Variants in TTC3 observed in about 807,000 individuals in gnomAD.
The protein encoded by TTC3 is tetratricopeptide repeat domain 3.
In TTC3, 180 loss-of-function variants were observed where a neutral mutation model predicts 249.6. The ratio of observed to expected loss-of-function variants is 0.72; its 90% confidence interval spans 0.64 to 0.82. TTC3 has a LOEUF of 0.82. TTC3 is among the 40% of genes least tolerant of loss of function. TTC3 has a pLI of 0.00. For missense variants in TTC3, 2,061 were observed against 2,398.4 expected, an observed-to-expected ratio of 0.86 and a Z score of 2.94; for synonymous variants, 717 against 805.0, an observed-to-expected ratio of 0.89 and a Z score of 1.85.
At position 37,087,228 on chromosome 21, in the gene TTC3, G is replaced by A. The variant is rs777127969; in HGVS notation, c.-11-19G>A. 12 of 1,609,072 alleles carry A rather than the reference G, an allele frequency of 7.5e-6. No individual in the cohort carries two copies. Among genetic ancestry groups the A allele is most frequent in the Non-Finnish European group, 1.0e-5 (12 of 1,178,394 alleles). Reference sequence around the variant, plus strand: ...TCAAATGATTTAATTACTGACTTGAGTTTGTGTTGTCTCCTTAGACTTGTG... The same window carrying A: ...TCAAATGATTTAATTACTGACTTGAATTTGTGTTGTCTCCTTAGACTTGTG... On this transcript the variant is annotated intron_variant, in intron 1 of 45. Transcript: ENST00000355666.
At chr21:37,151,960 A>C in exon 26 of TTC3, 1 of 1,607,562 alleles carries the variant, frequency 6.2e-7, no homozygotes, top group Non-Finnish European at 8.5e-7. Flanking sequence ...AGAAGCAAAA[A>C]AGTTAGCACA....
At chr21:37,167,333 G>A in intron 33 of TTC3, among the ~76,000 whole-genome samples, 1 of 151,918 alleles carries the variant, frequency 6.6e-6, no homozygotes, top group East Asian at 1.9e-4. Context: ...AGGAAGCTTT[G>A]AAAAAAATAG....
At chr21:37,118,144 G>T (rs563443623) in intron 11 of TTC3, among the ~76,000 whole-genome samples, 154 of 151,818 alleles carry the variant, frequency 1.0e-3, no homozygotes, top group African/African-American at 3.2e-3. Context: ...AACCAGAAAA[G>T]AATGCTTATT....
chr21:37,179,262 G>T (rs573096360), intron 35 of TTC3, among the ~76,000 whole-genome samples: 17 of 152,228 alleles, frequency 1.1e-4, no homozygotes, highest in African/African-American at 4.1e-4. Context: ...ACTACAGTTT[G>T]GGCAACAGAG....
Position 37,120,533 on chromosome 21 carries a change from G to C in TTC3, c.901-1284G>C, listed in dbSNP as rs553492526. The stretch of plus-strand genomic sequence containing the variant: ...AACTTTGAAGTCCGTAAATGCTTAG[G>C]GGATAGGATTTGACCTTGTAGCCTA... On this transcript the variant is annotated intron_variant, in intron 11 of 45. Coordinates refer to ENST00000355666, the Ensembl canonical transcript of TTC3. Among the ~76,000 whole-genome samples, 85 of 152,230 alleles carry C rather than the reference G, an allele frequency of 5.6e-4. 2 individuals are homozygous for C. In the South Asian group the frequency reaches 0.017, roughly 31 times the overall value.
At chr21:37,165,207 T>C (rs1039559804) in intron 32 of TTC3, among the ~76,000 whole-genome samples, 1 of 152,222 alleles carries the variant, frequency 6.6e-6, no homozygotes, top group African/African-American at 2.4e-5. Flanking sequence ...AAAATTCTTA[T>C]TGGCATTATT....
At chr21:37,136,376 G>C (rs1601697087) in intron 18 of TTC3, among the ~76,000 whole-genome samples, 1 of 152,186 alleles carries the variant, frequency 6.6e-6, no homozygotes, top group East Asian at 1.9e-4. Flanking sequence ...CAAAGAAACA[G>C]TTTTTGAAGG....
At chr21:37,105,164 A>G (rs1397987522) in intron 10 of TTC3, among the ~76,000 whole-genome samples, 1 of 152,214 alleles carries the variant, frequency 6.6e-6, no homozygotes, top group Non-Finnish European at 1.5e-5. Flanking sequence ...GACATCATTC[A>G]CTAACCTTAG....
chr21:37,114,012 C>T (rs548613954), intron 11 of TTC3, among the ~76,000 whole-genome samples: 6 of 152,170 alleles, frequency 3.9e-5, no homozygotes, highest in Admixed American at 1.3e-4. Context: ...TGGATCCCTT[C>T]CTTGCACCTT....
intron 25 of TTC3, 37 bp downstream of exon 25, chr21:37,150,921 G>A (rs780133694): frequency 1.4e-6 from 2 of 1,427,356 alleles, no homozygotes; most frequent in African/African-American, 1.4e-5. Context: ...GTTTGATGAT[G>A]TCTCTTAGAA....
rs2083376533 is a variant in TTC3 at position 37,187,029 on chromosome 21, T to C, written c.4827-20T>C. 1 of 1,509,162 alleles carries C rather than the reference T, an allele frequency of 6.6e-7. No individual in the cohort carries two copies. Among genetic ancestry groups the C allele is most frequent in the Admixed American group, 2.5e-5 (1 of 40,778 alleles). 93.5% of individuals were successfully genotyped at this position (1,509,162 alleles called of 1,614,324 possible). Reference sequence around the variant, plus strand: ...GAAATTTTGTTCAAGAAAGTTTTTTTTTTCCTTCAATATTTGTAGCAACAC... The same window carrying C: ...GAAATTTTGTTCAAGAAAGTTTTTTCTTTCCTTCAATATTTGTAGCAACAC... On this transcript the variant is annotated intron_variant, in intron 37 of 45. Transcript: ENST00000355666.
At position 37,190,130 on chromosome 21, in the gene TTC3, C is replaced by CTTTTTTTTTTTTTT. The variant is rs138862573; in HGVS notation, c.5025-1188_5025-1175dup. On this transcript the variant is annotated intron_variant, in intron 39 of 45. Transcript: ENST00000355666. The stretch of plus-strand genomic sequence containing the variant: ...TTTTAGTGTATAGTTCTTTTTCTTT[C>CTTTTTTTTTTTTTT]TTTTTTTTTTTTTTTTTTTTTTTTT... Among the ~76,000 whole-genome samples the CTTTTTTTTTTTTTT allele has an allele frequency of 4.3e-4, 28 of 65,022 alleles. 3 individuals are homozygous for CTTTTTTTTTTTTTT. Among genetic ancestry groups the CTTTTTTTTTTTTTT allele is most frequent in the African/African-American group, 1.2e-3 (21 of 17,642 alleles). 42.7% of individuals were successfully genotyped at this position (65,022 alleles called of 152,430 possible).
intron 17 of TTC3, among the ~76,000 whole-genome samples, chr21:37,134,063 T>C (rs1441271937): frequency 6.6e-6 from 1 of 152,180 alleles, no homozygotes; most frequent in Non-Finnish European, 1.5e-5. Context: ...TTAAAACAAG[T>C]ATGGCTGTCA....
exon 4 of TTC3, chr21:37,088,309 T>C (rs2072783836): frequency 6.2e-7 from 1 of 1,613,462 alleles, no homozygotes; most frequent in Non-Finnish European, 8.5e-7. Flanking sequence ...TCAAAACAGT[T>C]CCGTAATATC....
chr21:37,095,208 G>T, intron 8 of TTC3, 142 bp from the exon 9 acceptor site: 7 of 551,386 alleles, frequency 1.3e-5, no homozygotes, highest in South Asian at 2.1e-5. Flanking sequence ...ATTGGGTATT[G>T]TAATCTCATT....
intron 42 of TTC3, among the ~76,000 whole-genome samples, chr21:37,197,035 T>C (rs936316384): frequency 1.3e-5 from 2 of 152,234 alleles, no homozygotes; most frequent in Non-Finnish European, 2.9e-5. Flanking sequence ...AGAGGCGGTG[T>C]CTCTGAAGTG....
chr21:37,077,138 A>C (rs796608804), intron 1 of TTC3, among the ~76,000 whole-genome samples: 1 of 152,040 alleles, frequency 6.6e-6, no homozygotes, highest in Admixed American at 6.6e-5. Flanking sequence ...TTTTTGGCCA[A>C]CCATATGCTG....
chr21:37,101,970 T>C (rs1456364172), intron 10 of TTC3, among the ~76,000 whole-genome samples: 1 of 149,664 alleles, frequency 6.7e-6, no homozygotes, highest in African/African-American at 2.4e-5. Flanking sequence ...ATTTACAATG[T>C]TAAATTATAG....
At chr21:37,077,774 G>A (rs969409938) in intron 1 of TTC3, among the ~76,000 whole-genome samples, 3 of 152,198 alleles carry the variant, frequency 2.0e-5, no homozygotes, top group African/African-American at 7.2e-5. Flanking sequence ...TTGTTCTGAT[G>A]AGTTGTCTTT....
Sources: gnomAD v4.1 joint callset for allele counts (sites outside exome capture counted in the v4.1 genomes callset) on GRCh38, gnomAD v4.1.1 for gene constraint, MANE v1.5 for transcripts, NCBI Gene and HGNC (gene_info 2026-07-23, HGNC 2026-07-21) for gene names.